Variants in HERC4 observed in about 807,000 individuals in gnomAD.
HERC4 encodes the protein probable E3 ubiquitin-protein ligase HERC4.
In HERC4, 28 loss-of-function variants were observed where a neutral mutation model predicts 124.3. The observed-to-expected ratio is 0.23, with a 90% CI of 0.17 to 0.31. HERC4 has a LOEUF of 0.31. HERC4 is among the 10% of genes least tolerant of loss of function. The pLI is 1.00. For synonymous variants in HERC4, 407 were observed against 421.5 expected (o/e 0.97, Z 0.42); for missense variants, 713 against 1,229.3 (o/e 0.58, Z 6.28).
intron 15 of HERC4, among the ~76,000 whole-genome samples, chr10:67,983,787 A>AC (rs779215523): frequency 3.7e-3 from 11 of 3,004 alleles, no homozygotes; most frequent in Non-Finnish European, 4.2e-3. Flanking sequence ...ACTCTGTCTC[A>AC]AAAAAAAAAA....
intron 15 of HERC4, among the ~76,000 whole-genome samples, chr10:67,976,359 G>A (rs935371027): frequency 6.6e-6 from 1 of 152,034 alleles, no homozygotes; most frequent in Non-Finnish European, 1.5e-5. Context: ...AATCACATTG[G>A]ATTCTAAAAT....
intron 4 of HERC4, chr10:68,040,455 T>C: frequency 7.3e-6 from 6 of 821,060 alleles, no homozygotes; most frequent in Non-Finnish European, 8.8e-6. Flanking sequence ...CTTCCCATGT[T>C]CCATTTTTTC....
At chr10:68,069,969 G>C in intron 3 of HERC4, 1 of 558,384 alleles carries the variant, frequency 1.8e-6, no homozygotes, top group Non-Finnish European at 2.3e-6. Context: ...TTGAACCTGG[G>C]AGGCGGAGGT....
chr10:68,034,074 G>A lies in HERC4; in HGVS notation c.576C>T (p.Phe192=). 1 of 1,614,150 alleles carries A rather than the reference G, an allele frequency of 6.2e-7. No homozygotes were observed. Residue 192 remains phenylalanine, a synonymous_variant, in exon 6 of 25, where the codon TTC becomes TTT. Transcript: ENST00000373700. ...GGGCTCCTCCTGCTGCAACTTGCAT[G>A]AAAGGGATTCCAAGCAAAGACTTAA... The part of the protein sequence containing the change: ...QLLKSLLGIP[F]MQVAAGGAHS...
intron 23 of HERC4, among the ~76,000 whole-genome samples, chr10:67,927,430 A>ATATTTT (rs1564911511): frequency 1.8e-4 from 7 of 37,896 alleles, no homozygotes; most frequent in Admixed American, 1.5e-3. Context: ...ATATATATAT[A>ATATTTT]TTTTTTTTTT....
At chr10:67,956,046 A>G (rs1017491357) in intron 17 of HERC4, 1 of 152,226 alleles carries the variant, frequency 6.6e-6, no homozygotes, top group Non-Finnish European at 1.5e-5. Context: ...CTACAAAAAT[A>G]TTTAGAATAC....
chr10:67,946,817 G>C (rs1274036547), intron 19 of HERC4, among the ~76,000 whole-genome samples: 1 of 152,170 alleles, frequency 6.6e-6, no homozygotes, highest in Non-Finnish European at 1.5e-5. Context: ...TGAGGCAAGA[G>C]AATAGTATGA....
At chr10:67,937,807 G>C (rs904158013) in intron 21 of HERC4, among the ~76,000 whole-genome samples, 2 of 150,556 alleles carry the variant, frequency 1.3e-5, no homozygotes, top group Non-Finnish European at 3.0e-5. Context: ...CAGCCTCCCC[G>C]AGTAGCTGGT....
intron 15 of HERC4, among the ~76,000 whole-genome samples, chr10:67,980,606 A>ATAT (rs1185050026): frequency 6.6e-6 from 1 of 152,220 alleles, no homozygotes; most frequent in African/African-American, 2.4e-5. Context: ...AAAATACAGA[A>ATAT]TATTACAACA....
chr10:68,015,146 C>A (rs2038187315), intron 8 of HERC4, among the ~76,000 whole-genome samples: 1 of 151,850 alleles, frequency 6.6e-6, no homozygotes, highest in Non-Finnish European at 1.5e-5. Flanking sequence ...CAGTTCCGAG[C>A]CTTTGCCTCA....
At chr10:67,954,522 A>G in intron 19 of HERC4, 73 bp downstream of exon 19, 1 of 1,186,982 alleles carries the variant, frequency 8.4e-7, no homozygotes, top group Non-Finnish European at 1.2e-6. Context: ...TATTTACTGA[A>G]TTAACTTGAT....
intron 9 of HERC4, among the ~76,000 whole-genome samples, chr10:67,997,366 C>T (rs1391982961): frequency 6.6e-6 from 1 of 152,118 alleles, no homozygotes; most frequent in Non-Finnish European, 1.5e-5. Context: ...GAAAAAAGAA[C>T]AAAGGCTCCT....
chr10:68,012,521 T>G (rs576602762), intron 9 of HERC4, among the ~76,000 whole-genome samples: 1 of 152,146 alleles, frequency 6.6e-6, no homozygotes, highest in African/African-American at 2.4e-5. Context: ...AGGAGAGAGA[T>G]AGGACTGGCC....
chr10:67,947,864 T>C (rs35182511), intron 19 of HERC4, among the ~76,000 whole-genome samples: 1 of 104,906 alleles, frequency 9.5e-6, no homozygotes, highest in Non-Finnish European at 1.8e-5. Context: ...TTTTTTTTTG[T>C]ATTTTTAGCA....
chr10:68,060,946 CT>C lies in HERC4; in HGVS notation c.226+11936del, dbSNP rs966355682. 2.6e-4 allele frequency among the ~76,000 whole-genome samples: 40 copies of C among 152,062 alleles called. 1 individual carries two copies. Among genetic ancestry groups the C allele is most frequent in the Admixed American group, 1.1e-3 (17 of 15,246 alleles). On this transcript the variant is annotated intron_variant, in intron 3 of 24. Coordinates refer to ENST00000373700, the MANE Select transcript of HERC4 (RefSeq NM_015601.4). ...AAAAAAAAAAAGTCACAAATGTCTT[CT>C]AATAATGTATAGGTAAAGTAGCTAA...
intron 9 of HERC4, among the ~76,000 whole-genome samples, chr10:67,996,501 C>CT (rs2036890530): frequency 6.6e-6 from 1 of 152,112 alleles, no homozygotes; most frequent in South Asian, 2.1e-4. Flanking sequence ...TTGATGGTCT[C>CT]TAAGTCCCTT....
chr10:68,040,563 C>T, intron 4 of HERC4: 1 of 519,878 alleles, frequency 1.9e-6, no homozygotes, highest in Non-Finnish European at 2.5e-6. Context: ...TTAATCATTT[C>T]TAATTTTTGA....
intron 9 of HERC4, among the ~76,000 whole-genome samples, chr10:68,011,147 T>C (rs2037929717): frequency 6.6e-6 from 1 of 152,146 alleles, no homozygotes; most frequent in African/African-American, 2.4e-5. Flanking sequence ...ACTGTAAACC[T>C]TCAACTCCTA....
intron 22 of HERC4, 110 bp downstream of exon 22, chr10:67,936,038 CAAAAT>C (rs2032329060): frequency 3.3e-6 from 2 of 604,290 alleles, no homozygotes; most frequent in Non-Finnish European, 5.6e-6. Context: ...ACTAACCACT[CAAAAT>C]TAAAGTTTTA....
Sources: gnomAD v4.1 joint callset for allele counts (sites outside exome capture counted in the v4.1 genomes callset) on GRCh38, gnomAD v4.1.1 for gene constraint, MANE v1.5 for transcripts, NCBI Gene and HGNC (gene_info 2026-07-23, HGNC 2026-07-21) for gene names.